NTM: variants seen among roughly 807,000 people sequenced by gnomAD.
NTM encodes neurotrimin, also known as IgLON family member 2.
A neutral mutation model predicts 42.1 loss-of-function variants in NTM; 13 were observed. That is an observed-to-expected ratio of 0.31 (90% confidence interval 0.20 to 0.49). The LOEUF is 0.49. NTM is among the 20% of genes least tolerant of loss of function. NTM has a pLI of 0.99. For missense variants in NTM, 373 were observed against 452.8 expected (o/e 0.82, Z 1.60); for synonymous variants, 187 against 179.2 (o/e 1.04, Z -0.35).
chr11:132,312,068 T>C (rs1253612692), intron 6 of NTM, among the ~76,000 whole-genome samples: 1 of 152,222 alleles, frequency 6.6e-6, no homozygotes, highest in East Asian at 1.9e-4. Context: ...TGTATTTATT[T>C]ATTTCCAGTG....
chr11:131,512,530 A>G (rs2048382201), intron 1 of NTM, among the ~76,000 whole-genome samples: 1 of 152,164 alleles, frequency 6.6e-6, no homozygotes, highest in Non-Finnish European at 1.5e-5. Flanking sequence ...CCAGGGCAGA[A>G]GCCAAAGTCA....
intron 1 of NTM, among the ~76,000 whole-genome samples, chr11:131,852,879 C>T (rs1324014659): frequency 6.6e-6 from 1 of 150,498 alleles, no homozygotes; most frequent in Non-Finnish European, 1.5e-5. Flanking sequence ...TCCACCCATC[C>T]GTCCATCCAT....
At chr11:131,711,756 A>G (rs1192452521) in intron 1 of NTM, among the ~76,000 whole-genome samples, 3 of 151,988 alleles carry the variant, frequency 2.0e-5, no homozygotes, top group African/African-American at 7.3e-5. Context: ...GATAGACTGG[A>G]TTAAGAAAAT....
intron 1 of NTM, among the ~76,000 whole-genome samples, chr11:131,688,358 C>T (rs2074207680): frequency 6.6e-6 from 1 of 152,240 alleles, no homozygotes; most frequent in Non-Finnish European, 1.5e-5. Flanking sequence ...GCTTGGATAG[C>T]ACACGCCACT....
chr11:131,737,925 T>C (rs1031303074), intron 1 of NTM, among the ~76,000 whole-genome samples: 3 of 152,168 alleles, frequency 2.0e-5, no homozygotes, highest in African/African-American at 7.2e-5. Flanking sequence ...GTCTCTTTTT[T>C]GATATGAAAA....
chr11:131,680,719 ATAT>A (rs2072458017), intron 1 of NTM, among the ~76,000 whole-genome samples: 4 of 11,676 alleles, frequency 3.4e-4, no homozygotes, highest in East Asian at 2.2e-3. Flanking sequence ...GTGTGTGTGC[ATAT>A]GTTTGCATAG....
At chr11:131,927,041 T>C (rs1481977230) in intron 2 of NTM, among the ~76,000 whole-genome samples, 6 of 152,226 alleles carry the variant, frequency 3.9e-5, no homozygotes, top group Non-Finnish European at 7.3e-5. Context: ...TATTTGGAAT[T>C]AATGGACTCA....
chr11:132,044,812 C>A (rs1379125000), intron 2 of NTM, among the ~76,000 whole-genome samples: 1 of 152,062 alleles, frequency 6.6e-6, no homozygotes, highest in Non-Finnish European at 1.5e-5. Flanking sequence ...CACAGGCACC[C>A]TCCCGAGACT....
intron 1 of NTM, among the ~76,000 whole-genome samples, chr11:131,711,042 G>GC (rs1267149966): frequency 6.6e-6 from 1 of 152,104 alleles, no homozygotes; most frequent in Non-Finnish European, 1.5e-5. Flanking sequence ...AGAAAACCTA[G>GC]GCATTACCAT....
rs113208969 is a variant in NTM at position 132,078,515 on chromosome 11, G to A, written c.168-67767G>A. Among the ~76,000 whole-genome samples, 23 of 152,290 alleles carry A rather than the reference G, an allele frequency of 1.5e-4. 1 individual carries two copies. Among genetic ancestry groups the A allele is most frequent in the African/African-American group, 3.6e-4 (15 of 41,552 alleles). ...ATATCTTGCTAATTAGCAATTAGCCGTTAAGGGAGAAGAAATGGAGGGGAA... is the reference window on the plus strand; with the variant it reads ...ATATCTTGCTAATTAGCAATTAGCCATTAAGGGAGAAGAAATGGAGGGGAA... On this transcript the variant is annotated intron_variant, in intron 2 of 8. Transcript: ENST00000683400.
intron 2 of NTM, among the ~76,000 whole-genome samples, chr11:132,047,808 C>T (rs1246085930): frequency 1.3e-5 from 2 of 152,158 alleles, no homozygotes; most frequent in African/African-American, 4.8e-5. Flanking sequence ...GTAGGGTCCT[C>T]ATTTAGGAAA....
chr11:132,076,158 T>G (rs2058335508), intron 2 of NTM, among the ~76,000 whole-genome samples: 1 of 152,230 alleles, frequency 6.6e-6, no homozygotes, highest in South Asian at 2.1e-4. Flanking sequence ...ATACTTCTTT[T>G]TTTAATCTAT....
chr11:131,435,221 T>C (rs897256339), intron 1 of NTM, among the ~76,000 whole-genome samples: 1 of 152,158 alleles, frequency 6.6e-6, no homozygotes, highest in Non-Finnish European at 1.5e-5. Context: ...AGTCAGGTAG[T>C]GTGATGCCTC....
chr11:131,815,891 G>A (rs548160880), intron 1 of NTM, among the ~76,000 whole-genome samples: 4 of 152,316 alleles, frequency 2.6e-5, no homozygotes, highest in East Asian at 1.9e-4. Flanking sequence ...TGGGTTGAGG[G>A]TCCTGAGCCC....
intron 3 of NTM, among the ~76,000 whole-genome samples, chr11:132,211,472 CT>C: frequency 6.6e-6 from 1 of 152,290 alleles, no homozygotes; most frequent in East Asian, 1.9e-4. Flanking sequence ...AACCCAAATA[CT>C]TTATGCCCAG....
Position 132,043,353 on chromosome 11 carries a change from C to G in NTM, c.168-102929C>G, listed in dbSNP as rs185508814. Among the ~76,000 whole-genome samples, 4 of 152,318 alleles carry G rather than the reference C, an allele frequency of 2.6e-5. No individual in the cohort carries two copies. The East Asian group carries it at 7.7e-4, about 29-fold the overall frequency. On this transcript the variant is annotated intron_variant, in intron 2 of 8. Transcript: ENST00000683400. ...AAAATGAACAATTCTAACCACCTGT[C>G]CCTTAACAAAGGCCACTTTAACAAA...
intron 4 of NTM, among the ~76,000 whole-genome samples, chr11:132,246,404 C>G (rs943528721): frequency 2.0e-5 from 3 of 152,218 alleles, no homozygotes; most frequent in East Asian, 3.9e-4. Context: ...GATTTTCCTC[C>G]TTTACAGGTA....
At chr11:131,616,384 C>T (rs553113980) in intron 1 of NTM, among the ~76,000 whole-genome samples, 3 of 152,214 alleles carry the variant, frequency 2.0e-5, no homozygotes, top group East Asian at 1.9e-4. Flanking sequence ...TGACCGCGGA[C>T]GGAGGCAAGG....
intron 1 of NTM, among the ~76,000 whole-genome samples, chr11:131,468,536 T>G (rs1040334732): frequency 6.6e-6 from 1 of 152,112 alleles, no homozygotes; most frequent in Non-Finnish European, 1.5e-5. Flanking sequence ...ATTGCTTTGG[T>G]TTTTTTGTGA....
Sources: allele counts gnomAD v4.1 joint callset (sites outside exome capture counted in the v4.1 genomes callset), GRCh38; gene constraint gnomAD v4.1.1; transcripts MANE v1.5; gene names NCBI Gene and HGNC (gene_info 2026-07-23, HGNC 2026-07-21).